DLG5: variants seen among roughly 807,000 people sequenced by gnomAD.
DLG5 encodes discs large MAGUK scaffold protein 5, also known as disks large homolog 5.
A neutral mutation model predicts 189.8 loss-of-function variants in DLG5; 48 were observed. That is an observed-to-expected ratio of 0.25 (90% CI 0.20 to 0.32). The LOEUF (loss-of-function observed/expected upper bound fraction) is 0.32. Ranked by LOEUF, DLG5 falls within the 10% of genes least tolerant of loss-of-function variation. DLG5 has a pLI of 1.00. For missense variants in DLG5, 2,160 were observed against 2,544.7 expected (o/e 0.85, Z 3.25); for synonymous variants, 1,016 against 1,054.1 (o/e 0.96, Z 0.70).
chr10:77,842,274 G>T, intron 6 of DLG5, 81 bp from the exon 7 acceptor site: 1 of 1,497,458 alleles, frequency 6.7e-7, no homozygotes, highest in East Asian at 2.3e-5. Flanking sequence ...CCTCCCGCCA[G>T]CTCTACTGTG....
chr10:77,794,329 T>C (rs1603641039), intron 30 of DLG5, among the ~76,000 whole-genome samples: 1 of 152,138 alleles, frequency 6.6e-6, no homozygotes, highest in Admixed American at 6.5e-5. Flanking sequence ...GCACACACAC[T>C]TGGAACAGAT....
chr10:77,806,724 G>GGCCCC, intron 26 of DLG5, 34 bp downstream of exon 26: 1 of 1,016,160 alleles, frequency 9.8e-7, no homozygotes, highest in Non-Finnish European at 1.5e-6. Flanking sequence ...GGCGACCCCT[G>GGCCCC]CCCCACCCCA....
At chr10:77,883,995 G>A (rs567958117) in intron 1 of DLG5, among the ~76,000 whole-genome samples, 1 of 152,276 alleles carries the variant, frequency 6.6e-6, no homozygotes, top group Admixed American at 6.5e-5. Context: ...CATCACGCCT[G>A]GCCTGAAGTA....
chr10:77,901,135 A>G (rs1346318310), intron 1 of DLG5, among the ~76,000 whole-genome samples: 2 of 151,904 alleles, frequency 1.3e-5, no homozygotes, highest in Non-Finnish European at 1.5e-5. Flanking sequence ...AAAAAAAGAA[A>G]AGAGAAGAAA....
intron 1 of DLG5, among the ~76,000 whole-genome samples, chr10:77,918,138 C>G (rs1196846691): frequency 6.6e-6 from 1 of 151,846 alleles, no homozygotes; most frequent in Admixed American, 6.6e-5. Context: ...AGGCCGGGTG[C>G]GGTGGCTCAC....
At position 77,921,875 on chromosome 10, in the gene DLG5, G is replaced by A. The variant is rs138090919; in HGVS notation, c.304+4342C>T. 5.9e-3 allele frequency among the ~76,000 whole-genome samples: 905 copies of A among 152,320 alleles called. 5 individuals carry two copies. The highest frequency in any genetic ancestry group is 9.8e-3 in the Non-Finnish European group (667 of 68,030). On this transcript the variant is annotated intron_variant, in intron 1 of 31. Transcript: ENST00000372391. ...GAAGGAAACATCAGGCAATGAGCAC[G>A]CGAGAGGTCCAGCCAAGTTCTGCCA...
At chr10:77,819,689 T>C (rs1383571535) in intron 16 of DLG5, 1 of 1,057,876 alleles carries the variant, frequency 9.5e-7, no homozygotes, top group South Asian at 1.6e-5. Context: ...CCCAGGTTGC[T>C]ATGGGGAGAA....
intron 16 of DLG5, 46 bp downstream of exon 16, chr10:77,819,849 G>C (rs746319424): frequency 5.3e-6 from 8 of 1,511,928 alleles, no homozygotes; most frequent in Non-Finnish European, 7.0e-6. Flanking sequence ...TAGGCATCCC[G>C]AGTTTACACC....
chr10:77,792,023 A>T lies in DLG5; in HGVS notation c.*417T>A. On this transcript the variant is annotated 3_prime_UTR_variant, in exon 32 of 32. Transcript: ENST00000372391. Reference sequence around the variant, plus strand: ...GAAGACGGGAACGAAACCAACACCAAAGCGACAGGGGGTTGACAGAGGGGA... The same window carrying T: ...GAAGACGGGAACGAAACCAACACCATAGCGACAGGGGGTTGACAGAGGGGA... 1 of 178,444 alleles carries T rather than the reference A, an allele frequency of 5.6e-6. No individual in the cohort carries two copies. The highest frequency in any genetic ancestry group is 1.2e-5 in the Non-Finnish European group (1 of 84,554). The allele number at this position is 178,444 out of a possible 1,614,324, so 11.1% of individuals were successfully genotyped here.
At chr10:77,928,126 G>A (rs918826179), upstream of DLG5, 1 of 152,180 alleles carries the variant, frequency 6.6e-6, no homozygotes, top group Non-Finnish European at 1.5e-5. Flanking sequence ...TTTGGACTTG[G>A]ACTCCCCTCT....
intron 13 of DLG5, among the ~76,000 whole-genome samples, chr10:77,827,506 G>A (rs1220124869): frequency 6.6e-6 from 1 of 152,194 alleles, no homozygotes; most frequent in East Asian, 1.9e-4. Flanking sequence ...GATTACGGGC[G>A]TGAGCCACCG....
At chr10:77,910,300 G>A (rs1038878368) in intron 1 of DLG5, among the ~76,000 whole-genome samples, 25 of 152,218 alleles carry the variant, frequency 1.6e-4, no homozygotes, top group African/African-American at 5.3e-4. Flanking sequence ...CCTCTCAGCA[G>A]CTGATGGCCC....
intron 1 of DLG5, among the ~76,000 whole-genome samples, chr10:77,900,176 G>A (rs61855849): frequency 0.2 from 29,777 of 151,974 alleles, 3,535 homozygotes; most frequent in Non-Finnish European, 0.27. Context: ...TTACCTAAGC[G>A]TCACAGCTCA....
In DLG5 at chr10:77,819,101, G is replaced by T. The variant is rs550166731; in HGVS notation, c.3671+220C>A. Among the ~76,000 whole-genome samples, 4 of 152,328 alleles carry T rather than the reference G, an allele frequency of 2.6e-5. No homozygotes were observed. In the South Asian group the frequency reaches 8.3e-4, roughly 32 times the overall value. ...GGACATAAGCACTCAAACATCAGCT[G>T]CTATCACTATCGTGTCCTTCCAGTA... is the stretch of plus-strand genomic sequence containing the variant. On this transcript the variant is annotated intron_variant, in intron 17 of 31. Coordinates refer to ENST00000372391, the MANE Select transcript of DLG5 (RefSeq NM_004747.4).
At chr10:77,912,809 A>G (rs886887416) in intron 1 of DLG5, among the ~76,000 whole-genome samples, 1 of 152,208 alleles carries the variant, frequency 6.6e-6, no homozygotes, top group Non-Finnish European at 1.5e-5. Flanking sequence ...ACCCCAGCTC[A>G]GCTCACGCAA....
At chr10:77,904,828 G>A (rs919311697) in intron 1 of DLG5, among the ~76,000 whole-genome samples, 2 of 151,946 alleles carry the variant, frequency 1.3e-5, no homozygotes, top group Non-Finnish European at 2.9e-5. Context: ...CTTTCCTGAA[G>A]GTAAAATCTC....
In DLG5 at chr10:77,796,438, C is replaced by G; in HGVS notation, c.5308+13G>C. 8 of 1,614,134 alleles carry G rather than the reference C, an allele frequency of 5.0e-6. No homozygotes were observed. The highest frequency in any genetic ancestry group is 6.8e-6 in the Non-Finnish European group (8 of 1,180,014). ...GAGCCCAGTAGGCACAGAGGGTGCC[C>G]CGTGCCCCTTACCAAGGGGACATCT... On this transcript the variant is annotated intron_variant, in intron 28 of 31. Coordinates refer to ENST00000372391, the MANE Select transcript of DLG5 (RefSeq NM_004747.4). This position sits in a 1 kb window ranked among gnomAD's most constrained non-coding sequence, Gnocchi z 5.2.
chr10:77,845,934 TAAAAA>T (rs1209911526), intron 5 of DLG5, among the ~76,000 whole-genome samples: 2 of 97,518 alleles, frequency 2.1e-5, no homozygotes, highest in South Asian at 3.8e-4. Flanking sequence ...AATCTTTCTT[TAAAAA>T]AAAAAAAAAA....
intron 30 of DLG5, among the ~76,000 whole-genome samples, chr10:77,794,335 C>T (rs1179152259): frequency 6.6e-6 from 1 of 152,258 alleles, no homozygotes; most frequent in East Asian, 1.9e-4. Context: ...ACACTTGGAA[C>T]AGATGCACCA....
Sources: allele counts gnomAD v4.1 joint callset (sites outside exome capture counted in the v4.1 genomes callset), GRCh38; gene constraint gnomAD v4.1.1; non-coding constraint Gnocchi (gnomAD v3.1); transcripts MANE v1.5; gene names NCBI Gene and HGNC (gene_info 2026-07-23, HGNC 2026-07-21).